Variants in USP26 observed in about 807,000 individuals in gnomAD.
USP26 encodes the protein ubiquitin specific peptidase 26, also known as ubiquitin carboxyl-terminal hydrolase 26.
For missense variants in USP26, 649 were observed against 642.3 expected, an observed-to-expected ratio of 1.01 and a Z score of -0.11; for synonymous variants, 236 against 240.6, an observed-to-expected ratio of 0.98 and a Z score of 0.18.
intron 5 of USP26, among the ~76,000 whole-genome samples, chrX:133,075,583 A>T: frequency 8.9e-6 from 1 of 112,062 alleles, no homozygotes; most frequent in East Asian, 2.8e-4. Context: ...TAAGAGCAGC[A>T]TTCCAGGCAG....
chrX:133,027,220 G>C lies in USP26; in HGVS notation c.1001C>G (p.Pro334Arg). Residue 334 changes from proline to arginine, a missense_variant, in exon 6 of 6, where the codon CCC (proline) becomes CGC (arginine). Physicochemically the swap from Pro to Arg is moderately radical, Grantham distance 103. Coordinates refer to ENST00000511190, the MANE Select transcript of USP26 (RefSeq NM_031907.3). ...LNQSFPWGKI[P>R]LNALTMCLAR... ...CAAGCACATGGTAAGAGCATTAAGG[G>C]GAATTTTACCCCATGGGAAACTCTG... 8.3e-7 allele frequency: 1 copy of C among 1,209,846 alleles called. No homozygotes were observed. Among genetic ancestry groups the C allele is most frequent in the Non-Finnish European group, 1.1e-6 (1 of 894,154 alleles).
intron 5 of USP26, among the ~76,000 whole-genome samples, chrX:133,045,160 G>A (rs1250441361): frequency 1.8e-5 from 2 of 108,363 alleles, no homozygotes; most frequent in Non-Finnish European, 3.8e-5. Flanking sequence ...TGTATCTAGC[G>A]CAAGGTTTGT....
At chrX:133,037,060 G>C (rs1457390602) in intron 5 of USP26, among the ~76,000 whole-genome samples, 1 of 111,960 alleles carries the variant, frequency 8.9e-6, no homozygotes, top group Non-Finnish European at 1.9e-5. Context: ...GTTCTTTGTA[G>C]ATTCTGGATA....
At chrX:133,066,631 C>T (rs764169647) in intron 5 of USP26, among the ~76,000 whole-genome samples, 2 of 111,869 alleles carry the variant, frequency 1.8e-5, no homozygotes, top group South Asian at 7.5e-4. Context: ...GAAAGCATTC[C>T]CTATTTAATA....
chrX:133,030,928 A>C (rs1048922180), intron 5 of USP26, among the ~76,000 whole-genome samples: 1 of 112,098 alleles, frequency 8.9e-6, no homozygotes, highest in East Asian at 2.8e-4. Flanking sequence ...AAGGGTCGTT[A>C]GGCTCAATGA....
At chrX:133,059,406 A>C (rs2067487587) in intron 5 of USP26, among the ~76,000 whole-genome samples, 1 of 111,423 alleles carries the variant, frequency 9.0e-6, no homozygotes, top group African/African-American at 3.3e-5. Context: ...TCAGCATCTT[A>C]TCTCACATTT....
chrX:133,033,294 T>G (rs1393368246), intron 5 of USP26, among the ~76,000 whole-genome samples: 2 of 112,062 alleles, frequency 1.8e-5, no homozygotes, highest in Non-Finnish European at 3.8e-5. Context: ...AGTTTAAAGG[T>G]GCATTTCTGT....
intron 5 of USP26, among the ~76,000 whole-genome samples, chrX:133,065,248 C>A (rs1184484211): frequency 9.0e-6 from 1 of 111,124 alleles, no homozygotes; most frequent in Non-Finnish European, 1.9e-5. Flanking sequence ...AGCCTACCAA[C>A]CAAAAAAAGC....
At chrX:133,057,918 C>T (rs1410874211) in intron 5 of USP26, among the ~76,000 whole-genome samples, 1 of 64,812 alleles carries the variant, frequency 1.5e-5, no homozygotes, top group African/African-American at 6.2e-5. Context: ...CACTCTGTCA[C>T]CCAGGTTGGA....
chrX:133,089,289 A>G (rs1285212167), intron 4 of USP26, among the ~76,000 whole-genome samples: 1 of 111,796 alleles, frequency 8.9e-6, no homozygotes, highest in African/African-American at 3.2e-5. Flanking sequence ...TTAATCCTCC[A>G]TTTCTTACGT....
At chrX:133,083,298 G>T (rs372159824) in intron 5 of USP26, among the ~76,000 whole-genome samples, 1 of 112,121 alleles carries the variant, frequency 8.9e-6, no homozygotes, top group Non-Finnish European at 1.9e-5. Context: ...ACAGGTTTAC[G>T]TAATGGCCAA....
intron 5 of USP26, among the ~76,000 whole-genome samples, chrX:133,040,136 T>C (rs2067413178): frequency 8.9e-6 from 1 of 112,052 alleles, no homozygotes. Context: ...CGATCTTGAC[T>C]CTTTATACAA....
Position 133,044,419 on chromosome X carries a change from G to A in USP26, c.-76-16123C>T, listed in dbSNP as rs772257873. On this transcript the variant is annotated intron_variant, in intron 5 of 5. Transcript: ENST00000511190. The stretch of plus-strand genomic sequence containing the variant: ...AACCGGGGCTGCACGCAGTGCTTGC[G>A]GGCCAGCTAGAGTTCCGGGTGGGCA... Among the ~76,000 whole-genome samples the A allele has an allele frequency of 2.4e-3, 268 of 113,199 alleles. 2 individuals are homozygous for A. The highest frequency in any genetic ancestry group is 4.0e-3 in the Non-Finnish European group (214 of 53,304).
chrX:133,050,196 C>T (rs906431570), intron 5 of USP26, among the ~76,000 whole-genome samples: 2 of 111,846 alleles, frequency 1.8e-5, no homozygotes, highest in Non-Finnish European at 3.8e-5. Context: ...AACGGCCTTT[C>T]TGCTTTTTAT....
intron 5 of USP26, among the ~76,000 whole-genome samples, chrX:133,070,465 C>T (rs1234962222): frequency 9.0e-6 from 1 of 111,537 alleles, no homozygotes; most frequent in African/African-American, 3.3e-5. Flanking sequence ...ACCCTCCAGT[C>T]TTGTATGTCT....
chrX:133,072,127 A>T, intron 5 of USP26, among the ~76,000 whole-genome samples: 1 of 112,321 alleles, frequency 8.9e-6, no homozygotes, highest in Non-Finnish European at 1.9e-5. Context: ...GGCTATGTGC[A>T]AAGGCCTATT....
chrX:133,057,622 T>A (rs2067479717), intron 5 of USP26, among the ~76,000 whole-genome samples: 1 of 107,813 alleles, frequency 9.3e-6, no homozygotes, highest in Admixed American at 1.0e-4. Context: ...ACGCTATAAA[T>A]TTTCCTCTAA....
chrX:133,044,490 G>A (rs935026005), intron 5 of USP26, among the ~76,000 whole-genome samples: 7 of 113,277 alleles, frequency 6.2e-5, no homozygotes, highest in South Asian at 3.6e-4. Flanking sequence ...CGGCCCTGCC[G>A]GCCCCAGGCA....
At chrX:133,054,320 C>G (rs2067469028) in intron 5 of USP26, among the ~76,000 whole-genome samples, 1 of 111,044 alleles carries the variant, frequency 9.0e-6, no homozygotes, top group Non-Finnish European at 1.9e-5. Flanking sequence ...TTCCTCTTTT[C>G]CACTCACTTT....
Sources: allele counts gnomAD v4.1 joint callset (sites outside exome capture counted in the v4.1 genomes callset), GRCh38; gene constraint gnomAD v4.1.1; transcripts MANE v1.5; gene names NCBI Gene and HGNC (gene_info 2026-07-23, HGNC 2026-07-21).